TRDN: variants seen among roughly 807,000 people sequenced by gnomAD.
TRDN encodes the protein triadin in skeletal muscle.
Under a neutral mutation model 149.7 loss-of-function variants are expected in TRDN, and 161 were observed. The ratio of observed to expected loss-of-function variants is 1.08; its 90% confidence interval spans 0.95 to 1.23. The LOEUF (loss-of-function observed/expected upper bound fraction) is 1.23, where lower values mean the gene tolerates loss of function less well. Among genes scored for constraint, TRDN ranks in the 50% most tolerant of loss-of-function variants. The pLI is 0.00. For missense variants in TRDN, 896 were observed against 823.5 expected, an observed-to-expected ratio of 1.09 and a Z score of -1.08; for synonymous variants, 294 against 250.5, an observed-to-expected ratio of 1.17 and a Z score of -1.64.
At chr6:123,432,997 C>T (rs9401671) in intron 12 of TRDN, among the ~76,000 whole-genome samples, 82,808 of 151,042 alleles carry the variant, frequency 0.55, 23,170 homozygotes, top group East Asian at 0.86. Context: ...CCAAGAGCAT[C>T]AACTATAATC....
At chr6:123,225,694 A>G (rs1775332219) in intron 38 of TRDN, among the ~76,000 whole-genome samples, 1 of 151,702 alleles carries the variant, frequency 6.6e-6, no homozygotes, top group Non-Finnish European at 1.5e-5. Context: ...CTTATATCTC[A>G]ATAAAATTAG....
chr6:123,547,510 C>T, intron 3 of TRDN, 138 bp from the exon 4 acceptor site: 1 of 462,844 alleles, frequency 2.2e-6, no homozygotes, highest in Non-Finnish European at 3.7e-6. Context: ...ACTTTGCTTC[C>T]CAAATTCCAG....
rs377594350 is a variant in TRDN at position 123,516,145 on chromosome 6, C to T, written c.546G>A (p.Lys182=). 6.8e-5 allele frequency: 102 copies of T among 1,491,024 alleles called. No individual in the cohort carries two copies. The African/African-American group carries it at 1.4e-3, about 20-fold the overall frequency. The allele number at this position is 1,491,024 out of a possible 1,614,324, so 92.4% of individuals were successfully genotyped here. A position where few individuals can be genotyped will look rare whatever the true frequency, so the allele number is the denominator to read the frequency against. The change falls in exon 6 of 41, where the codon AAG becomes AAA. Residue 182 remains lysine (K), a synonymous_variant. Coordinates refer to ENST00000334268, the MANE Select transcript of TRDN (RefSeq NM_006073.4). ...GTAATAAAAGTAACTTCATACCTTT[C>T]TTTTCAGGTTTTTCTTTTTCTCTTA... ...EKVREKEKPE[K]KATHKEKIEK...
intron 10 of TRDN, 70 bp from the exon 11 acceptor site, chr6:123,439,073 A>G: frequency 7.8e-7 from 1 of 1,278,734 alleles, no homozygotes. Flanking sequence ...GTTGAAATGA[A>G]GGATTTTTGT....
At chr6:123,275,541 T>A (rs1777341534) in intron 26 of TRDN, among the ~76,000 whole-genome samples, 1 of 152,174 alleles carries the variant, frequency 6.6e-6, no homozygotes, top group Non-Finnish European at 1.5e-5. Flanking sequence ...TCTCCAGTTT[T>A]AAGCAACACA....
At position 123,316,281 on chromosome 6, in the gene TRDN, A is replaced by G. The variant is rs184408686; in HGVS notation, c.1510+176T>C. Among the ~76,000 whole-genome samples, 69 of 152,012 alleles carry G rather than the reference A, an allele frequency of 4.5e-4. 1 individual carries two copies. The highest frequency in any genetic ancestry group is 4.4e-3 in the Admixed American group (67 of 15,192). On this transcript the variant is annotated intron_variant, in intron 24 of 40. Transcript: ENST00000334268. ...AAGGAATTTTTGTTAACTTTAGCAT[A>G]CATTTAGTTTTATTGCTTATTACTT...
intron 27 of TRDN, among the ~76,000 whole-genome samples, chr6:123,273,779 G>A (rs1777281584): frequency 1.3e-5 from 2 of 151,964 alleles, no homozygotes; most frequent in South Asian, 4.1e-4. Context: ...TGTTGATATT[G>A]AAGAATCTTG....
At chr6:123,218,806 A>C in intron 40 of TRDN, 66 bp from the exon 41 acceptor site, 2 of 1,483,332 alleles carry the variant, frequency 1.3e-6, no homozygotes, top group East Asian at 5.0e-5. Flanking sequence ...ACAGTGAGGC[A>C]GTGCAGTGCA....
intron 7 of TRDN, among the ~76,000 whole-genome samples, chr6:123,507,316 G>A (rs1382277525): frequency 4.6e-5 from 7 of 151,978 alleles, no homozygotes; most frequent in Non-Finnish European, 1.0e-4. Flanking sequence ...TCTTTTTAAT[G>A]CCATTATAAT....
At chr6:123,605,612 A>AT (rs1421273220) in intron 1 of TRDN, among the ~76,000 whole-genome samples, 1 of 151,072 alleles carries the variant, frequency 6.6e-6, no homozygotes, top group Admixed American at 6.6e-5. Context: ...AAAAAAAAAA[A>AT]ATATTAGCCA....
chr6:123,510,642 C>CTTTTTTTTT (rs145396385), intron 7 of TRDN, among the ~76,000 whole-genome samples: 4 of 138,482 alleles, frequency 2.9e-5, no homozygotes, highest in African/African-American at 8.0e-5. Context: ...TGCATGACCA[C>CTTTTTTTTT]TTTTTTTTTT....
intron 9 of TRDN, among the ~76,000 whole-genome samples, chr6:123,495,573 C>T (rs1778413140): frequency 6.6e-6 from 1 of 151,862 alleles, no homozygotes; most frequent in East Asian, 1.9e-4. Flanking sequence ...CATATGTTGC[C>T]CAGGCTGGTC....
At chr6:123,333,112 A>T (rs1410954424) in intron 22 of TRDN, among the ~76,000 whole-genome samples, 1 of 152,088 alleles carries the variant, frequency 6.6e-6, no homozygotes, top group Non-Finnish European at 1.5e-5. Flanking sequence ...GGAAAGCTTC[A>T]TTAACTGTTT....
chr6:123,515,715 T>C (rs2114869692), intron 6 of TRDN, among the ~76,000 whole-genome samples: 1 of 152,192 alleles, frequency 6.6e-6, no homozygotes, highest in East Asian at 1.9e-4. Context: ...AGTATCTTTA[T>C]GTGTTGAGCA....
intron 21 of TRDN, among the ~76,000 whole-genome samples, chr6:123,338,465 T>C (rs1259179371): frequency 1.3e-5 from 2 of 152,122 alleles, no homozygotes; most frequent in African/African-American, 4.8e-5. Flanking sequence ...GCAGCTGCCA[T>C]GTGAGTAATC....
intron 12 of TRDN, among the ~76,000 whole-genome samples, chr6:123,436,511 G>T (rs1774569425): frequency 6.6e-6 from 1 of 152,012 alleles, no homozygotes; most frequent in Non-Finnish European, 1.5e-5. Context: ...CATGATGCCA[G>T]ATATTTCTAC....
chr6:123,221,511 CT>C lies in TRDN; in HGVS notation c.2025del (p.Asp676MetfsTer68). On this transcript the variant is annotated frameshift_variant, in exon 40 of 41. Coordinates refer to ENST00000334268, the MANE Select transcript of TRDN (RefSeq NM_006073.4). LOFTEE classifies it high-confidence loss of function. ...PASKKAKEGT[E>X]DVSPTKQKSP... ...CTTTTCTGCTTTGTGGGAGACACATCTTCAGTTCCTTCTAGTGGATAAAAAA... is the reference window on the plus strand; with the variant it reads ...CTTTTCTGCTTTGTGGGAGACACATCTCAGTTCCTTCTAGTGGATAAAAAA... 6.4e-7 allele frequency: 1 copy of C among 1,568,524 alleles called. No homozygotes were observed. Among genetic ancestry groups the C allele is most frequent in the Non-Finnish European group, 8.7e-7 (1 of 1,145,250 alleles).
intron 24 of TRDN, among the ~76,000 whole-genome samples, chr6:123,299,176 C>T (rs1045468688): frequency 1.1e-4 from 16 of 152,018 alleles, no homozygotes; most frequent in African/African-American, 3.9e-4. Context: ...AAGAAATGGG[C>T]CCCTACTATG....
intron 1 of TRDN, among the ~76,000 whole-genome samples, chr6:123,622,760 C>G (rs186035886): frequency 6.6e-6 from 1 of 152,160 alleles, no homozygotes; most frequent in African/African-American, 2.4e-5. Context: ...TATTACCTAA[C>G]AACTTAATTT....
Sources: allele counts gnomAD v4.1 joint callset (sites outside exome capture counted in the v4.1 genomes callset), GRCh38; gene constraint gnomAD v4.1.1; transcripts MANE v1.5; gene names NCBI Gene and HGNC (gene_info 2026-07-23, HGNC 2026-07-21).